RMND1: variants seen among roughly 807,000 people sequenced by gnomAD.
RMND1 encodes required for meiotic nuclear division 1 homolog, also known as required for meiotic nuclear division protein 1 homolog.
Under a neutral mutation model 54.0 loss-of-function variants are expected in RMND1, and 41 were observed. The observed-to-expected ratio is 0.76, with a 90% CI of 0.59 to 0.98. The LOEUF (loss-of-function observed/expected upper bound fraction) is 0.98, where lower values mean the gene tolerates loss of function less well. RMND1 is among the 50% of genes least tolerant of loss of function. The pLI is 0.00. For missense variants in RMND1, 457 were observed against 532.0 expected (o/e 0.86, Z 1.39); for synonymous variants, 183 against 181.7 (o/e 1.01, Z -0.06).
intron 1 of RMND1, among the ~76,000 whole-genome samples, chr6:151,447,872 G>C (rs980068512): frequency 5.5e-5 from 8 of 145,766 alleles, no homozygotes; most frequent in Non-Finnish European, 1.2e-4. Context: ...GGAGTGCAGT[G>C]GTGCCACCTC....
At chr6:151,414,974 ACT>A (rs889746981) in intron 10 of RMND1, among the ~76,000 whole-genome samples, 7 of 152,052 alleles carry the variant, frequency 4.6e-5, no homozygotes, top group South Asian at 2.1e-4. Flanking sequence ...AAATTAATAC[ACT>A]CTCAGATGAA....
intron 10 of RMND1, among the ~76,000 whole-genome samples, chr6:151,410,550 A>G (rs950515190): frequency 9.9e-5 from 15 of 152,178 alleles, no homozygotes; most frequent in Non-Finnish European, 1.6e-4. Context: ...AAACTCTGAG[A>G]AAGGTAGTTT....
intron 2 of RMND1, among the ~76,000 whole-genome samples, chr6:151,441,458 T>C (rs1332817768): frequency 6.6e-6 from 1 of 152,192 alleles, no homozygotes; most frequent in Admixed American, 6.5e-5. Flanking sequence ...TCTTTTGTTT[T>C]AATGAGGTGA....
In RMND1 at chr6:151,445,528, A is replaced by G. The variant is rs752431564; in HGVS notation, c.284T>C (p.Leu95Pro). ...AGTACCAAAGGATTTCATGGTTGGA[A>G]GGTGTGCCTTTTCATCTTGGCAACG... ...AARCQDEKAH[L>P]PTMKSFGTHR... The change falls in exon 2 of 12, where the codon CTT (leucine) becomes CCT (proline). Residue 95 changes from leucine to proline, a missense_variant. Leu to Pro is a moderately conservative substitution (Grantham distance 98). Transcript: ENST00000444024. 6.2e-7 allele frequency: 1 copy of G among 1,614,230 alleles called. No individual in the cohort carries two copies. The highest frequency in any genetic ancestry group is 1.1e-5 in the South Asian group (1 of 91,084).
In RMND1 at chr6:151,445,317, A is replaced by C; in HGVS notation, c.495T>G (p.Ser165=). The C allele has an allele frequency of 6.2e-7, 1 of 1,607,786 alleles. No individual in the cohort carries two copies. The highest frequency in any genetic ancestry group is 8.5e-7 in the Non-Finnish European group (1 of 1,177,458). Residue 165 remains serine (S), a synonymous_variant, in exon 2 of 12, where the codon TCT becomes TCG. Coordinates refer to ENST00000444024, the MANE Select transcript of RMND1 (RefSeq NM_017909.4). ...QPSRTNLPVL[S]VNEDLMHCTA... ...GCCACCCCTACTTTACCTCGTTCACAGACAGAACTGGAAGGTTGGTCCTGG... is the reference window on the plus strand; with the variant it reads ...GCCACCCCTACTTTACCTCGTTCACCGACAGAACTGGAAGGTTGGTCCTGG...
At chr6:151,441,808 T>C (rs774786728) in intron 2 of RMND1, among the ~76,000 whole-genome samples, 6 of 152,098 alleles carry the variant, frequency 3.9e-5, no homozygotes, top group African/African-American at 7.2e-5. Context: ...ATACTTTATA[T>C]AAAAAACCCA....
intron 2 of RMND1, among the ~76,000 whole-genome samples, chr6:151,440,533 T>G (rs1484881426): frequency 6.6e-6 from 1 of 152,236 alleles, no homozygotes; most frequent in Non-Finnish European, 1.5e-5. Context: ...TTGGCCATCC[T>G]AAGGATCTTT....
At chr6:151,414,870 AG>A (rs1269562958) in intron 10 of RMND1, among the ~76,000 whole-genome samples, 18 of 152,192 alleles carry the variant, frequency 1.2e-4, no homozygotes, top group Non-Finnish European at 2.5e-4. Context: ...GGAGGTCAGA[AG>A]GAAGTGGCAT....
chr6:151,440,932 A>G (rs1393745442), intron 2 of RMND1, among the ~76,000 whole-genome samples: 1 of 152,104 alleles, frequency 6.6e-6, no homozygotes, highest in Non-Finnish European at 1.5e-5. Context: ...AGCTACATAT[A>G]TATGTAAAGC....
rs547640416 is a variant in RMND1 at position 151,434,437 on chromosome 6, T to C, written c.614-1207A>G. ...TTTTTTTTTTTTCTAAATTGTTAATTACTACATCCTACATAGGACAGAGTT... is the reference window on the plus strand; with the variant it reads ...TTTTTTTTTTTTCTAAATTGTTAATCACTACATCCTACATAGGACAGAGTT... On this transcript the variant is annotated intron_variant, in intron 3 of 11. Transcript: ENST00000444024. 1.0e-3 allele frequency among the ~76,000 whole-genome samples: 159 copies of C among 151,966 alleles called. 1 individual carries two copies. The highest frequency in any genetic ancestry group is 3.6e-3 in the Admixed American group (55 of 15,272).
intron 3 of RMND1, 102 bp downstream of exon 3, chr6:151,436,344 A>C (rs1780612229): frequency 7.4e-7 from 1 of 1,353,274 alleles, no homozygotes; most frequent in Non-Finnish European, 1.0e-6. Context: ...CAATCCTTTC[A>C]AAAGAAAATG....
chr6:151,419,274 A>T (rs563966013), intron 9 of RMND1, among the ~76,000 whole-genome samples: 4 of 151,808 alleles, frequency 2.6e-5, no homozygotes, highest in Admixed American at 2.6e-4. Flanking sequence ...CATGTTAGCC[A>T]GGCTGGTCTC....
chr6:151,442,392 C>T (rs1474750555), intron 2 of RMND1, among the ~76,000 whole-genome samples: 1 of 152,174 alleles, frequency 6.6e-6, no homozygotes, highest in Non-Finnish European at 1.5e-5. Context: ...AACAGTCCAC[C>T]AGTGATTCTG....
chr6:151,450,871 G>T (rs1387611434), intron 1 of RMND1, among the ~76,000 whole-genome samples: 2 of 152,208 alleles, frequency 1.3e-5, no homozygotes, highest in Non-Finnish European at 2.9e-5. Context: ...AAATTCTTCT[G>T]CCTTGGGATC....
chr6:151,447,692 T>C (rs1780996211), intron 1 of RMND1, among the ~76,000 whole-genome samples: 1 of 152,184 alleles, frequency 6.6e-6, no homozygotes, highest in South Asian at 2.1e-4. Context: ...GCTACTGTAG[T>C]TCACCTTTAA....
At chr6:151,417,459 T>G in intron 9 of RMND1, 60 bp from the exon 10 acceptor site, 1 of 1,389,146 alleles carries the variant, frequency 7.2e-7, no homozygotes, top group South Asian at 1.3e-5. Context: ...TTGTTTCTAT[T>G]GTATTTAATA....
rs1451118026 is a variant in RMND1 at position 151,405,162 on chromosome 6, G to T, written c.*73C>A. 2.1e-6 allele frequency: 3 copies of T among 1,404,074 alleles called. No homozygotes were observed. Among genetic ancestry groups the T allele is most frequent in the Non-Finnish European group, 3.0e-6 (3 of 992,786 alleles). 87.0% of individuals were successfully genotyped at this position (1,404,074 alleles called of 1,614,324 possible). ...TGGGATTACAGGCATGAGGCACCGC[G>T]CCGGGCCGAACATTTAATTTTTGAT... On this transcript the variant is annotated 3_prime_UTR_variant, in exon 12 of 12. Coordinates refer to ENST00000444024, the MANE Select transcript of RMND1 (RefSeq NM_017909.4).
intron 1 of RMND1, among the ~76,000 whole-genome samples, chr6:151,449,116 C>T (rs1781050404): frequency 6.8e-6 from 1 of 147,018 alleles, no homozygotes; most frequent in Admixed American, 6.8e-5. Flanking sequence ...CGCCTGTAAC[C>T]CCAGCATTTT....
intron 3 of RMND1, among the ~76,000 whole-genome samples, chr6:151,435,164 A>G (rs9479042): frequency 0.26 from 38,333 of 145,026 alleles, 8,048 homozygotes; most frequent in African/African-American, 0.58. Flanking sequence ...TTTATTTTTT[A>G]AGACAGAGTC....
Sources: allele counts gnomAD v4.1 joint callset (sites outside exome capture counted in the v4.1 genomes callset), GRCh38; gene constraint gnomAD v4.1.1; transcripts MANE v1.5; gene names NCBI Gene and HGNC (gene_info 2026-07-23, HGNC 2026-07-21).